The following TRPM3 variants were observed in gnomAD, a reference collection of about 807,000 sequenced individuals.
TRPM3 encodes the protein transient receptor potential cation channel subfamily M member 3, also known as long transient receptor potential channel 3.
In TRPM3, 77 loss-of-function variants were observed where a neutral mutation model predicts 181.2. The observed-to-expected ratio is 0.42, with a 90% CI of 0.35 to 0.51. TRPM3 has a LOEUF of 0.51. TRPM3 is among the 20% of genes least tolerant of loss of function. The probability of loss-of-function intolerance (pLI) is 0.01; values close to 1 mark genes in which losing one functional copy is unlikely to be tolerated. For missense variants in TRPM3, 1,759 were observed against 2,196.7 expected (o/e 0.80, Z 3.98); for synonymous variants, 745 against 796.4 (o/e 0.94, Z 1.09).
At chr9:70,848,602 T>C (rs2095082876) in intron 3 of TRPM3, among the ~76,000 whole-genome samples, 1 of 152,196 alleles carries the variant, frequency 6.6e-6, no homozygotes, top group South Asian at 2.1e-4. Context: ...ACAGATCATG[T>C]ACAAAGAATA....
chr9:70,678,366 C>T (rs2134192756), intron 9 of TRPM3, among the ~76,000 whole-genome samples: 1 of 152,164 alleles, frequency 6.6e-6, no homozygotes, highest in East Asian at 1.9e-4. Flanking sequence ...CTCCTGGGCT[C>T]AAGTGCTACT....
intron 1 of TRPM3, among the ~76,000 whole-genome samples, chr9:71,236,252 T>C (rs2081344257): frequency 6.6e-6 from 1 of 152,208 alleles, no homozygotes; most frequent in Non-Finnish European, 1.5e-5. Context: ...GTATGGATTG[T>C]GGTAAGTCAT....
At chr9:71,166,115 C>T (rs1176509764) in intron 1 of TRPM3, among the ~76,000 whole-genome samples, 1 of 152,136 alleles carries the variant, frequency 6.6e-6, no homozygotes, top group Non-Finnish European at 1.5e-5. Context: ...AGAGGAAGGA[C>T]ACAGCCAAGT....
intron 1 of TRPM3, among the ~76,000 whole-genome samples, chr9:71,185,029 T>C (rs1042517054): frequency 4.6e-5 from 7 of 152,098 alleles, no homozygotes; most frequent in Admixed American, 4.6e-4. Flanking sequence ...CAGTCTTCTA[T>C]AACAAGCAGG....
At chr9:71,305,827 A>G (rs1434310147) in intron 1 of TRPM3, among the ~76,000 whole-genome samples, 2 of 152,126 alleles carry the variant, frequency 1.3e-5, no homozygotes, top group African/African-American at 4.8e-5. Context: ...CTTTACCGCC[A>G]TATCTGCTCG....
intron 8 of TRPM3, among the ~76,000 whole-genome samples, chr9:70,751,966 TAATTTCAATGC>T (rs2076204565): frequency 1.3e-5 from 2 of 151,744 alleles, no homozygotes; most frequent in South Asian, 2.1e-4. Context: ...AATGAATCTT[TAATTTCAATGC>T]AGTTTCAATC....
chr9:71,304,431 G>C (rs927840033), intron 1 of TRPM3, among the ~76,000 whole-genome samples: 1 of 152,132 alleles, frequency 6.6e-6, no homozygotes, highest in Admixed American at 6.6e-5. Context: ...GTAAGGACTG[G>C]TTTAAGCTGT....
intron 1 of TRPM3, among the ~76,000 whole-genome samples, chr9:71,242,926 G>A (rs2081801216): frequency 6.6e-6 from 1 of 152,160 alleles, no homozygotes; most frequent in Non-Finnish European, 1.5e-5. Flanking sequence ...ATTTTGCCCT[G>A]TTTGCCCGAT....
rs1358881193 is a variant in TRPM3, at chr9:71,266,960, C to CCA, written c.183+179692_183+179693insTG. Among the ~76,000 whole-genome samples the CCA allele has an allele frequency of 5.8e-3, 725 of 125,418 alleles. 6 individuals are homozygous for CCA. The highest frequency in any genetic ancestry group is 0.014 in the African/African-American group (465 of 34,324). The allele number at this position is 125,418 out of a possible 152,430, so 82.3% of individuals were successfully genotyped here. On this transcript the variant is annotated intron_variant, in intron 1 of 24. Coordinates refer to the TRPM3 transcript ENST00000357533. ...TTCAAATGCTATATACTTCTCTGGC[C>CCA]AAAAAAAAAAAAAAATGTCATACCA...
At chr9:70,638,510 C>T (rs1454343334) in intron 11 of TRPM3, among the ~76,000 whole-genome samples, 2 of 152,086 alleles carry the variant, frequency 1.3e-5, no homozygotes, top group Non-Finnish European at 2.9e-5. Flanking sequence ...ATGATTACTC[C>T]TTGGTATCCC....
chr9:70,904,573 C>T (rs960203317), intron 1 of TRPM3, among the ~76,000 whole-genome samples: 7 of 152,062 alleles, frequency 4.6e-5, no homozygotes, highest in Non-Finnish European at 8.8e-5. Context: ...CATGCTGGGG[C>T]CAACACATAT....
chr9:70,956,963 T>TC (rs1554780729), intron 1 of TRPM3, among the ~76,000 whole-genome samples: 1 of 116,138 alleles, frequency 8.6e-6, no homozygotes, highest in Non-Finnish European at 1.9e-5. Context: ...CTTTCTTTCT[T>TC]TTTTTTTTTT....
intron 1 of TRPM3, among the ~76,000 whole-genome samples, chr9:71,430,834 AG>A (rs2093943724): frequency 6.6e-6 from 1 of 152,094 alleles, no homozygotes; most frequent in Non-Finnish European, 1.5e-5. Context: ...TGCTTGTGAA[AG>A]GGGTATTTTT....
chr9:71,001,143 G>T (rs1356821183), intron 1 of TRPM3, among the ~76,000 whole-genome samples: 2 of 152,158 alleles, frequency 1.3e-5, no homozygotes, highest in African/African-American at 4.8e-5. Flanking sequence ...GATTTTTAAT[G>T]CTCTTTGAAC....
intron 22 of TRPM3, among the ~76,000 whole-genome samples, chr9:70,569,470 G>T (rs751538414): frequency 6.6e-6 from 1 of 152,174 alleles, no homozygotes; most frequent in African/African-American, 2.4e-5. Flanking sequence ...ATTATTTCAC[G>T]TGACTAGGTG....
intron 1 of TRPM3, among the ~76,000 whole-genome samples, chr9:71,416,498 A>G (rs1304435094): frequency 1.3e-5 from 2 of 151,912 alleles, no homozygotes; most frequent in Non-Finnish European, 2.9e-5. Flanking sequence ...AGTAGAAAAT[A>G]TAGCTGGTTT....
At chr9:70,937,872 T>C (rs115527159) in intron 1 of TRPM3, among the ~76,000 whole-genome samples, 1,465 of 120,912 alleles carry the variant, frequency 0.012, 29 homozygotes, top group African/African-American at 0.043. Flanking sequence ...AAGCTAGCAT[T>C]TGGGGTCGGG....
At chr9:71,245,324 A>G (rs1381605106) in intron 1 of TRPM3, among the ~76,000 whole-genome samples, 1 of 151,830 alleles carries the variant, frequency 6.6e-6, no homozygotes, top group Non-Finnish European at 1.5e-5. Context: ...TGCACCTGTT[A>G]TCCCAGCTAC....
intron 1 of TRPM3, among the ~76,000 whole-genome samples, chr9:70,889,629 A>T (rs2096159970): frequency 1.3e-5 from 2 of 152,212 alleles, no homozygotes; most frequent in African/African-American, 4.8e-5. Flanking sequence ...CTGGGTATCC[A>T]TAGAAAAGAC....
Sources: gnomAD v4.1 joint callset for allele counts (sites outside exome capture counted in the v4.1 genomes callset) on GRCh38, gnomAD v4.1.1 for gene constraint, MANE v1.5 for transcripts, NCBI Gene and HGNC (gene_info 2026-07-23, HGNC 2026-07-21) for gene names.